CCDC144A: variants seen among roughly 807,000 people sequenced by gnomAD.
CCDC144A encodes coiled-coil domain-containing protein 144A.
CCDC144A carries 41 observed loss-of-function variants against 143.8 expected under a neutral mutation model. The ratio of observed to expected loss-of-function variants is 0.29; its 90% confidence interval spans 0.22 to 0.37. CCDC144A has a LOEUF of 0.37. Ranked by LOEUF, CCDC144A falls within the 10% of genes least tolerant of loss-of-function variation. The probability of loss-of-function intolerance (pLI) is 1.00; values close to 1 mark genes in which losing one functional copy is unlikely to be tolerated. For missense variants in CCDC144A, 637 were observed against 1,488.8 expected, an observed-to-expected ratio of 0.43 and a Z score of 9.41; for synonymous variants, 242 against 517.9, an observed-to-expected ratio of 0.47 and a Z score of 7.23.
At position 16,775,471 on chromosome 17, in the gene CCDC144A, T is replaced by C. The variant is rs1196660523; in HGVS notation, c.*1838T>C. 6.6e-5 allele frequency: 10 copies of C among 152,252 alleles called. No homozygotes were observed. Among genetic ancestry groups the C allele is most frequent in the Non-Finnish European group, 1.3e-4 (9 of 68,052 alleles). The allele number at this position is 152,252 out of a possible 1,614,324, so 9.4% of individuals were successfully genotyped here. On this transcript the variant is annotated 3_prime_UTR_variant, in exon 17 of 17. Coordinates refer to ENST00000399273, the MANE Select transcript of CCDC144A (RefSeq NM_001382000.1). ...CTCAGATGATCAGTGATGTTGAAGTTTTTTTGTTTGTTGGCTGCATGTATG... is the reference window on the plus strand; with the variant it reads ...CTCAGATGATCAGTGATGTTGAAGTCTTTTTGTTTGTTGGCTGCATGTATG...
At chr17:16,765,825 A>T (rs773414098) in intron 15 of CCDC144A, 2 of 152,292 alleles carry the variant, frequency 1.3e-5, no homozygotes, top group African/African-American at 4.8e-5. Flanking sequence ...CTCAGTCATG[A>T]AATTGTACCA....
At chr17:16,724,934 AGCCACCGC>A in intron 8 of CCDC144A, among the ~76,000 whole-genome samples, 1 of 141,946 alleles carries the variant, frequency 7.0e-6, no homozygotes, top group Non-Finnish European at 1.5e-5. Context: ...TACAGGCATG[AGCCACCGC>A]GCCCAGCCGA....
intron 12 of CCDC144A, among the ~76,000 whole-genome samples, chr17:16,750,256 T>C (rs909511414): frequency 1.4e-4 from 22 of 151,950 alleles, no homozygotes; most frequent in Admixed American, 3.3e-4. Flanking sequence ...TATTTAGAAC[T>C]CCTTAAGAAT....
chr17:16,746,846 G>GC, intron 12 of CCDC144A: 1 of 835,606 alleles, frequency 1.2e-6, no homozygotes, highest in South Asian at 1.5e-5. Flanking sequence ...GGGAGGCCCG[G>GC]CCCCCGCCCC....
chr17:16,766,020 C>T (rs1915579606), intron 15 of CCDC144A: 1 of 152,298 alleles, frequency 6.6e-6, no homozygotes, highest in Non-Finnish European at 1.5e-5. Context: ...GTCCTGATGA[C>T]ATGTGTCCAA....
intron 12 of CCDC144A, among the ~76,000 whole-genome samples, chr17:16,751,926 A>G (rs780485223): frequency 5.1e-4 from 77 of 152,284 alleles, no homozygotes; most frequent in Non-Finnish European, 8.4e-4. Context: ...CCAACTAGGT[A>G]GTTTTGTCCC....
intron 15 of CCDC144A, chr17:16,766,413 G>A (rs1039105715): frequency 6.6e-5 from 10 of 152,276 alleles, no homozygotes; most frequent in African/African-American, 2.4e-4. Flanking sequence ...ACAAGGTAAT[G>A]TATCATTTTA....
chr17:16,753,433 T>TG (rs1914905989), intron 12 of CCDC144A, among the ~76,000 whole-genome samples: 1 of 121,106 alleles, frequency 8.3e-6, no homozygotes, highest in Non-Finnish European at 1.6e-5. Flanking sequence ...TTGTAGTTTT[T>TG]TTTTTTTTTT....
At chr17:16,722,548 AG>A (rs1290301425) in intron 8 of CCDC144A, among the ~76,000 whole-genome samples, 1 of 152,124 alleles carries the variant, frequency 6.6e-6, no homozygotes, top group East Asian at 1.9e-4. Flanking sequence ...AGTTTATATT[AG>A]GGTTCAGTCT....
chr17:16,668,675 CTGT>C, the CCDC144A span, among the ~76,000 whole-genome samples: 1 of 152,102 alleles, frequency 6.6e-6, no homozygotes. Context: ...ATTGTTTATT[CTGT>C]TGTCATTATA....
chr17:16,769,111 G>A (rs1455716736), intron 15 of CCDC144A, among the ~76,000 whole-genome samples: 3 of 152,074 alleles, frequency 2.0e-5, no homozygotes, highest in Non-Finnish European at 4.4e-5. Context: ...GTTTTAAGTG[G>A]AGAAAACAAA....
the CCDC144A span, among the ~76,000 whole-genome samples, chr17:16,678,842 C>T: frequency 7.4e-5 from 11 of 149,030 alleles, no homozygotes; most frequent in Admixed American, 1.4e-4. Context: ...TCAACCTCTG[C>T]CTTCCGGGTT....
chr17:16,743,279 G>A (rs1914341948), intron 12 of CCDC144A, among the ~76,000 whole-genome samples: 1 of 151,344 alleles, frequency 6.6e-6, no homozygotes, highest in African/African-American at 2.4e-5. Context: ...GTGAAAGATA[G>A]GGACCTGGTT....
the CCDC144A span, among the ~76,000 whole-genome samples, chr17:16,673,350 C>T: frequency 2.0e-5 from 3 of 151,056 alleles, no homozygotes; most frequent in African/African-American, 7.3e-5. Flanking sequence ...GTTTGCTATT[C>T]GCTTACATTT....
chr17:16,748,862 G>A (rs549646555), intron 12 of CCDC144A, among the ~76,000 whole-genome samples: 9 of 152,188 alleles, frequency 5.9e-5, no homozygotes, highest in African/African-American at 2.2e-4. Context: ...TCTAGTTTGT[G>A]TGTATACAGT....
At chr17:16,693,482 A>T (rs2143034415) in intron 2 of CCDC144A, among the ~76,000 whole-genome samples, 1 of 151,976 alleles carries the variant, frequency 6.6e-6, no homozygotes. Context: ...CGCCCGGCTA[A>T]TTTTTTGTAT....
intron 2 of CCDC144A, among the ~76,000 whole-genome samples, chr17:16,704,426 G>T (rs975310700): frequency 2.0e-5 from 3 of 152,126 alleles, no homozygotes; most frequent in Non-Finnish European, 4.4e-5. Flanking sequence ...TTGCACTCCA[G>T]CCTGGGTGAC....
chr17:16,680,286 A>G, the CCDC144A span, among the ~76,000 whole-genome samples: 1 of 151,998 alleles, frequency 6.6e-6, no homozygotes, highest in African/African-American at 2.4e-5. Flanking sequence ...AAAATTGGCC[A>G]GGCATGGTGG....
At chr17:16,698,358 C>T (rs1212546314) in intron 2 of CCDC144A, among the ~76,000 whole-genome samples, 1 of 151,622 alleles carries the variant, frequency 6.6e-6, no homozygotes, top group Non-Finnish European at 1.5e-5. Flanking sequence ...GTGAGTTAAC[C>T]TTTTAAAAGC....
Sources: gnomAD v4.1 joint callset for allele counts (sites outside exome capture counted in the v4.1 genomes callset) on GRCh38, gnomAD v4.1.1 for gene constraint, MANE v1.5 for transcripts, NCBI Gene and HGNC (gene_info 2026-07-23, HGNC 2026-07-21) for gene names.